AKAP7: variants seen among roughly 807,000 people sequenced by gnomAD.
AKAP7 encodes the protein A kinase (PRKA) anchor protein 7.
A neutral mutation model predicts 39.5 loss-of-function variants in AKAP7; 39 were observed. That is an observed-to-expected ratio of 0.99 (90% CI 0.76 to 1.29). The LOEUF (loss-of-function observed/expected upper bound fraction) is 1.29, where lower values mean the gene tolerates loss of function less well. AKAP7 is among the 50% of genes most tolerant of loss of function. The probability of loss-of-function intolerance (pLI) is 0.00; values close to 1 mark genes in which losing one functional copy is unlikely to be tolerated. For missense variants in AKAP7, 414 were observed against 407.7 expected (o/e 1.02, Z -0.13); for synonymous variants, 140 against 139.1 (o/e 1.01, Z -0.05).
chr6:131,142,212 G>A (rs923493715), intron 1 of AKAP7, among the ~76,000 whole-genome samples: 11 of 152,160 alleles, frequency 7.2e-5, no homozygotes, highest in African/African-American at 2.7e-4. Context: ...TAAAATGGAG[G>A]CAATTCCTAA....
intron 5 of AKAP7, among the ~76,000 whole-genome samples, chr6:131,197,701 T>A (rs1212662612): frequency 6.6e-6 from 1 of 152,254 alleles, no homozygotes; most frequent in Non-Finnish European, 1.5e-5. Flanking sequence ...AGTTTCCATC[T>A]GTATATAAAT....
intron 2 of AKAP7, among the ~76,000 whole-genome samples, chr6:131,151,068 A>G (rs936055740): frequency 6.6e-6 from 1 of 151,766 alleles, no homozygotes; most frequent in Non-Finnish European, 1.5e-5. Context: ...TTTGAGATGT[A>G]GTCTGGTGCT....
intron 5 of AKAP7, among the ~76,000 whole-genome samples, chr6:131,169,958 C>T (rs757519639): frequency 4.2e-4 from 64 of 151,376 alleles, no homozygotes; most frequent in Non-Finnish European, 8.7e-4. Flanking sequence ...TCTATTATTC[C>T]TTCTTTGCTT....
chr6:131,157,982 G>A (rs1036015745), intron 2 of AKAP7, among the ~76,000 whole-genome samples: 1 of 152,100 alleles, frequency 6.6e-6, no homozygotes, highest in Non-Finnish European at 1.5e-5. Context: ...ATATGTTGTG[G>A]AAAGAAAACA....
chr6:131,247,631 C>A lies in AKAP7; in HGVS notation c.850+27823C>A, dbSNP rs558191663. 2.0e-5 allele frequency among the ~76,000 whole-genome samples: 3 copies of A among 151,398 alleles called. No homozygotes were observed. The South Asian group carries it at 6.3e-4, about 32-fold the overall frequency. The stretch of plus-strand genomic sequence containing the variant: ...CACCGCGCCTGGCCATATTTTATTT[C>A]TTTTATAGAGACAGGGTCTCACTCG... On this transcript the variant is annotated intron_variant, in intron 7 of 7. Transcript: ENST00000431975.
At chr6:131,273,482 G>T (rs1223863952) in intron 7 of AKAP7, among the ~76,000 whole-genome samples, 2 of 151,844 alleles carry the variant, frequency 1.3e-5, no homozygotes, top group Non-Finnish European at 2.9e-5. Flanking sequence ...TATTTGCTGT[G>T]CCTCTTTTTG....
At chr6:131,140,545 T>C (rs937333865) in intron 1 of AKAP7, among the ~76,000 whole-genome samples, 8 of 152,226 alleles carry the variant, frequency 5.3e-5, no homozygotes, top group Admixed American at 2.0e-4. Context: ...CCTCACTTAT[T>C]GCTAAGAATC....
Position 131,181,728 on chromosome 6 carries a change from C to T in AKAP7, c.589+12455C>T, listed in dbSNP as rs76286995. ...TGAACTACTTAGAGGTCCCCTGAGG[C>T]ACTGGGCCATGTCATGTCTTCATGC... is the stretch of plus-strand genomic sequence containing the variant. On this transcript the variant is annotated intron_variant, in intron 5 of 7. Transcript: ENST00000431975. Among the ~76,000 whole-genome samples, 2,176 of 152,282 alleles carry T rather than the reference C, an allele frequency of 0.014. 147 individuals are homozygous for T. In the East Asian group the frequency reaches 0.18, roughly 12 times the overall value.
intron 7 of AKAP7, chr6:131,252,887 A>T: frequency 1.4e-6 from 1 of 715,038 alleles, no homozygotes; most frequent in Non-Finnish European, 2.4e-6. Context: ...TACTAAAAGC[A>T]GAGCACAAAA....
chr6:131,163,880 A>G (rs1205543165), intron 3 of AKAP7, among the ~76,000 whole-genome samples: 1 of 152,068 alleles, frequency 6.6e-6, no homozygotes, highest in East Asian at 1.9e-4. Flanking sequence ...TGAAACTGAC[A>G]TAGCAGCATT....
At chr6:131,182,085 C>T (rs1190478115) in intron 5 of AKAP7, among the ~76,000 whole-genome samples, 1 of 151,412 alleles carries the variant, frequency 6.6e-6, no homozygotes, top group Non-Finnish European at 1.5e-5. Flanking sequence ...GAGATGGCAC[C>T]AATGTACTCC....
intron 5 of AKAP7, among the ~76,000 whole-genome samples, chr6:131,176,402 A>G (rs1053913395): frequency 2.6e-5 from 4 of 152,170 alleles, no homozygotes; most frequent in African/African-American, 4.8e-5. Context: ...ACATTTTATA[A>G]TGAATGATGA....
intron 6 of AKAP7, among the ~76,000 whole-genome samples, chr6:131,205,726 G>A (rs1279813998): frequency 6.6e-6 from 1 of 152,146 alleles, no homozygotes; most frequent in Non-Finnish European, 1.5e-5. Flanking sequence ...GAGACATTTA[G>A]TCAATGTGTC....
chr6:131,148,775 GTA>G (rs1801678452), intron 2 of AKAP7, among the ~76,000 whole-genome samples: 1 of 152,132 alleles, frequency 6.6e-6, no homozygotes, highest in Non-Finnish European at 1.5e-5. Flanking sequence ...CGTAAGAAAG[GTA>G]TAATAATAGT....
chr6:131,155,796 A>C (rs370525322), intron 2 of AKAP7, among the ~76,000 whole-genome samples: 1 of 152,106 alleles, frequency 6.6e-6, no homozygotes, highest in Non-Finnish European at 1.5e-5. Flanking sequence ...AACACCACTG[A>C]AGTTTATTCT....
chr6:131,184,649 T>C (rs1805639412), intron 5 of AKAP7: 4 of 766,134 alleles, frequency 5.2e-6, no homozygotes, highest in South Asian at 1.4e-5. Context: ...CCCATCTTCT[T>C]GTTAATCTTT....
intron 5 of AKAP7, among the ~76,000 whole-genome samples, chr6:131,193,264 GTTCTTTGAGTT>G (rs1261776522): frequency 2.0e-5 from 3 of 151,958 alleles, no homozygotes; most frequent in Non-Finnish European, 2.9e-5. Flanking sequence ...TCTATACACA[GTTCTTTGAGTT>G]TTTTATGAAG....
In AKAP7 at chr6:131,199,677, G is replaced by C. The variant is rs528677607; in HGVS notation, c.702+104G>C. 9.4e-5 allele frequency: 89 copies of C among 950,700 alleles called. No individual in the cohort carries two copies. The African/African-American group carries it at 1.4e-3, about 15-fold the overall frequency. 58.9% of individuals were successfully genotyped at this position (950,700 alleles called of 1,614,324 possible). A position where few individuals can be genotyped will look rare whatever the true frequency, so the allele number is the denominator to read the frequency against. On this transcript the variant is annotated intron_variant, in intron 6 of 7. Transcript: ENST00000431975. ...TGCTGTGGTCTCTGACACTACTCTT[G>C]CTTCTGGGTTTCCAAGTCAGGTTGG...
intron 5 of AKAP7, among the ~76,000 whole-genome samples, chr6:131,190,829 A>G (rs1009381032): frequency 6.6e-6 from 1 of 152,184 alleles, no homozygotes; most frequent in African/African-American, 2.4e-5. Context: ...GATAAATTCA[A>G]AAATTCAAAT....
Sources: gnomAD v4.1 joint callset for allele counts (sites outside exome capture counted in the v4.1 genomes callset) on GRCh38, gnomAD v4.1.1 for gene constraint, MANE v1.5 for transcripts, NCBI Gene and HGNC (gene_info 2026-07-23, HGNC 2026-07-21) for gene names.